The following ATRNL1 variants were observed in gnomAD, a reference collection of about 807,000 sequenced individuals.
The protein encoded by ATRNL1 is attractin-like protein 1.
Under a neutral mutation model 182.7 loss-of-function variants are expected in ATRNL1, and 95 were observed. That is an observed-to-expected ratio of 0.52 (90% CI 0.44 to 0.62). The LOEUF is 0.62. Ranked by LOEUF, ATRNL1 falls within the 20% of genes least tolerant of loss-of-function variation. The probability of loss-of-function intolerance (pLI) is 0.00; values close to 1 mark genes in which losing one functional copy is unlikely to be tolerated. For synonymous variants in ATRNL1, 576 were observed against 568.3 expected (o/e 1.01, Z -0.19); for missense variants, 1,471 against 1,679.5 (o/e 0.88, Z 2.17).
intron 27 of ATRNL1, among the ~76,000 whole-genome samples, chr10:115,775,802 AC>A (rs1360451394): frequency 1.3e-5 from 2 of 151,378 alleles, no homozygotes; most frequent in African/African-American, 4.9e-5. Flanking sequence ...TAAAAAAAAT[AC>A]AAAAATTAGC....
intron 27 of ATRNL1, among the ~76,000 whole-genome samples, chr10:115,834,668 A>G (rs1431250593): frequency 1.3e-5 from 2 of 152,218 alleles, no homozygotes; most frequent in Non-Finnish European, 2.9e-5. Context: ...TTAGCAAAGC[A>G]TCTTCCTTGT....
intron 26 of ATRNL1, among the ~76,000 whole-genome samples, chr10:115,554,287 C>T (rs1853182305): frequency 6.6e-6 from 1 of 151,454 alleles, no homozygotes; most frequent in African/African-American, 2.4e-5. Context: ...AATTTTCTTC[C>T]TTTATCCTAT....
At chr10:115,126,819 A>G (rs1309632538) in intron 3 of ATRNL1, among the ~76,000 whole-genome samples, 2 of 152,188 alleles carry the variant, frequency 1.3e-5, no homozygotes, top group African/African-American at 4.8e-5. Flanking sequence ...GCATGTTTTC[A>G]TAGATTTAGA....
chr10:115,273,988 G>A (rs149981920), intron 13 of ATRNL1, among the ~76,000 whole-genome samples: 14 of 152,316 alleles, frequency 9.2e-5, no homozygotes, highest in Middle Eastern at 3.4e-3. Context: ...GTGACCCATG[G>A]TTAAACATTC....
At chr10:115,206,850 C>T (rs951857869) in intron 8 of ATRNL1, among the ~76,000 whole-genome samples, 5 of 152,058 alleles carry the variant, frequency 3.3e-5, no homozygotes, top group Non-Finnish European at 5.9e-5. Context: ...CCTCACCTGC[C>T]GACAGGTCCC....
intron 28 of ATRNL1, among the ~76,000 whole-genome samples, chr10:115,892,899 C>G (rs1272350188): frequency 1.3e-5 from 2 of 152,136 alleles, no homozygotes; most frequent in Admixed American, 1.3e-4. Context: ...AAAATATTTG[C>G]TCAAAAGTTG....
At chr10:115,187,966 C>T (rs1371501850) in intron 8 of ATRNL1, among the ~76,000 whole-genome samples, 2 of 150,274 alleles carry the variant, frequency 1.3e-5, no homozygotes, top group African/African-American at 4.9e-5. Flanking sequence ...AGGCGTGAGC[C>T]ACCGCACCCA....
intron 19 of ATRNL1, among the ~76,000 whole-genome samples, chr10:115,363,168 C>G (rs1856838680): frequency 6.7e-6 from 1 of 149,108 alleles, no homozygotes; most frequent in African/African-American, 2.5e-5. Flanking sequence ...TTCTCCACAT[C>G]CTCTCCAGCA....
Position 115,215,745 on chromosome 10 carries a change from G to A in ATRNL1, c.1397G>A (p.Gly466Asp). ...GAAACTAAAGGAGCTATTGTACAAGGTGGATATGGCCATACTAGTGTGTAT... is the reference window on the plus strand; with the variant it reads ...GAAACTAAAGGAGCTATTGTACAAGATGGATATGGCCATACTAGTGTGTAT... ...VPETKGAIVQ[G>D]GYGHTSVYDE... Residue 466 changes from glycine to aspartate, a missense_variant, in exon 9 of 29, where the codon GGT (glycine) becomes GAT (aspartate). By Grantham distance (94) the Gly-to-Asp change is moderately conservative. Coordinates refer to ENST00000355044, the MANE Select transcript of ATRNL1 (RefSeq NM_207303.4). 3.7e-6 allele frequency: 6 copies of A among 1,607,738 alleles called. No homozygotes were observed. Among genetic ancestry groups the A allele is most frequent in the Non-Finnish European group, 5.1e-6 (6 of 1,177,704 alleles).
intron 19 of ATRNL1, among the ~76,000 whole-genome samples, chr10:115,367,640 C>G (rs1371813703): frequency 2.7e-5 from 4 of 148,028 alleles, no homozygotes; most frequent in Admixed American, 6.8e-5. Context: ...TTTTCCCCAT[C>G]TTTGTGGTTT....
Position 115,767,616 on chromosome 10 carries a change from G to C in ATRNL1, c.3903+40261G>C, listed in dbSNP as rs537315759. Among the ~76,000 whole-genome samples, 12 of 152,152 alleles carry C rather than the reference G, an allele frequency of 7.9e-5. No individual in the cohort carries two copies. The South Asian group carries it at 2.5e-3, about 32-fold the overall frequency. ...GCACCAGACTCATTCTTGCACCTAT[G>C]CTTTTGTTCATCATGTTTTTCTCCC... On this transcript the variant is annotated intron_variant, in intron 27 of 28. Coordinates refer to ENST00000355044, the MANE Select transcript of ATRNL1 (RefSeq NM_207303.4).
At chr10:115,782,938 T>C (rs868938622) in intron 27 of ATRNL1, among the ~76,000 whole-genome samples, 1 of 152,284 alleles carries the variant, frequency 6.6e-6, no homozygotes, top group South Asian at 2.1e-4. Flanking sequence ...TCAAATATAT[T>C]TGTTAGGAGC....
intron 26 of ATRNL1, among the ~76,000 whole-genome samples, chr10:115,686,627 A>T (rs138465227): frequency 1.3e-5 from 2 of 152,110 alleles, no homozygotes; most frequent in African/African-American, 4.8e-5. Flanking sequence ...AGCATTTGTA[A>T]ACTGAATGGA....
chr10:115,682,701 T>TG lies in ATRNL1; in HGVS notation c.3796-44547_3796-44546insG, dbSNP rs536795945. On this transcript the variant is annotated intron_variant, in intron 26 of 28. Coordinates refer to ENST00000355044, the MANE Select transcript of ATRNL1 (RefSeq NM_207303.4). ...ATGATGATGATGATGATGATGATGATAGAAGAGCCAGCCAGTTCCCTACCT... is the reference window on the plus strand; with the variant it reads ...ATGATGATGATGATGATGATGATGATGAGAAGAGCCAGCCAGTTCCCTACCT... 4.2e-3 allele frequency among the ~76,000 whole-genome samples: 631 copies of TG among 151,962 alleles called. 2 individuals are homozygous for TG. The highest frequency in any genetic ancestry group is 9.6e-3 in the African/African-American group (397 of 41,458).
chr10:115,600,000 C>T (rs868949548), intron 26 of ATRNL1, among the ~76,000 whole-genome samples: 8 of 152,066 alleles, frequency 5.3e-5, no homozygotes, highest in South Asian at 2.1e-4. Flanking sequence ...CATCTCCACC[C>T]CAGGCAACCA....
intron 25 of ATRNL1, among the ~76,000 whole-genome samples, chr10:115,538,839 C>A (rs1215397758): frequency 6.6e-6 from 1 of 152,146 alleles, no homozygotes; most frequent in Non-Finnish European, 1.5e-5. Context: ...ACATTTTGGT[C>A]TATGACAGAC....
intron 26 of ATRNL1, chr10:115,597,466 TG>T: frequency 3.0e-6 from 1 of 333,580 alleles, no homozygotes; most frequent in Non-Finnish European, 5.8e-6. Context: ...TGAATTAAAA[TG>T]GCAATCGAAT....
intron 1 of ATRNL1, among the ~76,000 whole-genome samples, chr10:115,104,364 C>A (rs1010574927): frequency 2.0e-5 from 3 of 152,056 alleles, no homozygotes; most frequent in Admixed American, 1.3e-4. Flanking sequence ...CTATTCAGAT[C>A]TTTTGCATAT....
intron 27 of ATRNL1, among the ~76,000 whole-genome samples, chr10:115,758,539 C>T (rs547069878): frequency 7.9e-5 from 12 of 152,316 alleles, no homozygotes; most frequent in African/African-American, 2.9e-4. Flanking sequence ...CCAGCCAGAG[C>T]TCTCCTGTAT....
Sources: allele counts gnomAD v4.1 joint callset (sites outside exome capture counted in the v4.1 genomes callset), GRCh38; gene constraint gnomAD v4.1.1; transcripts MANE v1.5; gene names NCBI Gene and HGNC (gene_info 2026-07-23, HGNC 2026-07-21).